Variants in DOCK6 observed in about 807,000 individuals in gnomAD.
DOCK6 encodes the protein dedicator of cytokinesis protein 6.
In DOCK6, 167 loss-of-function variants were observed where a neutral mutation model predicts 230.3. The ratio of observed to expected loss-of-function variants is 0.73; its 90% CI spans 0.64 to 0.82. DOCK6 has a LOEUF of 0.82. Among genes scored for constraint, DOCK6 ranks in the 40% least tolerant of loss-of-function variants. The pLI, the probability that DOCK6 is intolerant of heterozygous loss-of-function variation, is 0.00. For missense variants in DOCK6, 2,598 were observed against 2,825.8 expected (o/e 0.92, Z 1.83); for synonymous variants, 1,148 against 1,185.0 (o/e 0.97, Z 0.64).
At chr19:11,204,403 C>T (rs2147707089) in intron 39 of DOCK6, 72 bp from the exon 40 acceptor site, 5 of 1,564,506 alleles carry the variant, frequency 3.2e-6, no homozygotes, top group Non-Finnish European at 4.4e-6. Flanking sequence ...CTACCCATCT[C>T]CCTTGTGAGC....
chr19:11,206,834 G>T (rs67457550), intron 39 of DOCK6, among the ~76,000 whole-genome samples: 13 of 18,432 alleles, frequency 7.1e-4, no homozygotes, highest in African/African-American at 5.2e-3. Context: ...ATTTGTGGTG[G>T]TTTTTTTTTT....
Position 11,243,351 on chromosome 19 carries a change from C to G in DOCK6, c.1293G>C (p.Arg431=). The G allele has an allele frequency of 6.3e-7, 1 of 1,599,914 alleles. No individual in the cohort carries two copies. ...RRPAWTDRRR[R]GPQDRASSGD... is the part of the protein sequence containing the mutation. ...CACTACTCGCCCGGTCCTGGGGCCC[C>G]CGACGGCGGCGGTCTGTCCAGGCTG... is the stretch of plus-strand genomic sequence containing the variant. Residue 431 remains arginine (R), a synonymous_variant, in exon 12 of 48, where the codon CGG becomes CGC. Coordinates refer to ENST00000294618, the MANE Select transcript of DOCK6 (RefSeq NM_020812.4). This position sits in a 1 kb window ranked among gnomAD's most constrained non-coding sequence, Gnocchi z 6.3.
intron 30 of DOCK6, 120 bp from the exon 31 acceptor site, chr19:11,216,047 A>G: frequency 7.6e-7 from 1 of 1,317,286 alleles, no homozygotes; most frequent in Non-Finnish European, 1.0e-6. Flanking sequence ...TTAAAGACAG[A>G]TTGCCTTTTT....
chr19:11,222,076 C>T lies in DOCK6; in HGVS notation c.3380+33G>A, dbSNP rs2079588942. The T allele has an allele frequency of 6.2e-7, 1 of 1,608,398 alleles. No individual in the cohort carries two copies. Among genetic ancestry groups the T allele is most frequent in the Non-Finnish European group, 8.5e-7 (1 of 1,175,876 alleles). On this transcript the variant is annotated intron_variant, in intron 27 of 47. Coordinates refer to ENST00000294618, the MANE Select transcript of DOCK6 (RefSeq NM_020812.4). The surrounding 1 kb of genome is among the most constrained non-coding windows in gnomAD (Gnocchi z 4.0). Reference sequence around the variant, plus strand: ...TGGACATGGCTCCTGGACTGTCCCACCTGTCCTGGGGCTAGACAGGAGCTC... The same window carrying T: ...TGGACATGGCTCCTGGACTGTCCCATCTGTCCTGGGGCTAGACAGGAGCTC...
intron 1 of DOCK6, among the ~76,000 whole-genome samples, chr19:11,261,656 C>T (rs1323331751): frequency 1.3e-5 from 2 of 152,162 alleles, no homozygotes; most frequent in Non-Finnish European, 2.9e-5. Context: ...TCTCACAATC[C>T]CCAGTGGCCA....
intron 1 of DOCK6, among the ~76,000 whole-genome samples, chr19:11,260,464 C>T (rs2080266931): frequency 6.6e-6 from 1 of 151,950 alleles, no homozygotes; most frequent in Admixed American, 6.6e-5. Context: ...CCTGTAGTCC[C>T]AGCTACTTGG....
chr19:11,259,698 C>T (rs1599300763), intron 1 of DOCK6, among the ~76,000 whole-genome samples: 1 of 149,222 alleles, frequency 6.7e-6, no homozygotes, highest in Admixed American at 6.7e-5. Context: ...GCTGGGATTA[C>T]AGGCGTGCGT....
chr19:11,261,596 C>A (rs1050366108), intron 1 of DOCK6, among the ~76,000 whole-genome samples: 2 of 152,140 alleles, frequency 1.3e-5, no homozygotes, highest in Non-Finnish European at 2.9e-5. Flanking sequence ...CAACTGGGGG[C>A]GAGGCTTTTC....
In DOCK6 at chr19:11,202,816, A is replaced by T; in HGVS notation, c.5236-107T>A. 1 of 1,573,414 alleles carries T rather than the reference A, an allele frequency of 6.4e-7. No individual in the cohort carries two copies. The highest frequency in any genetic ancestry group is 1.1e-5 in the South Asian group (1 of 89,658). ...TCAGGATGGGAGTGTGAGGACCCCG[A>T]GAACATCAGGGCATGGGCACAGGCA... On this transcript the variant is annotated intron_variant, in intron 41 of 47. Coordinates refer to ENST00000294618, the MANE Select transcript of DOCK6 (RefSeq NM_020812.4). This position sits in a 1 kb window ranked among gnomAD's most constrained non-coding sequence, Gnocchi z 5.3.
At position 11,202,326 on chromosome 19, in the gene DOCK6, G is replaced by C; in HGVS notation, c.5451+68C>G. 6.5e-7 allele frequency: 1 copy of C among 1,547,142 alleles called. No individual in the cohort carries two copies. The highest frequency in any genetic ancestry group is 8.8e-7 in the Non-Finnish European group (1 of 1,137,284). On this transcript the variant is annotated intron_variant, in intron 43 of 47. Transcript: ENST00000294618. The surrounding 1 kb of genome is among the most constrained non-coding windows in gnomAD (Gnocchi z 5.3). The stretch of plus-strand genomic sequence containing the variant: ...TTTCCCAGAGAAAGAGGATTTGAGG[G>C]TCCCCAGGAAACAGCACTTGGAGTC...
rs760821155 is a variant in DOCK6, at chr19:11,253,706, C to T, written c.65G>A (p.Arg22Gln). Residue 22 changes from arginine (R) to glutamine (Q), a missense_variant, in exon 2 of 48, where the codon CGG becomes CAG. Transcript: ENST00000294618. The part of the protein sequence containing the change: ...KINRTVAAEV[R>Q]KQVSRERSGS... The stretch of plus-strand genomic sequence containing the variant: ...ACTGCGTTCCCGGGACACCTGCTTC[C>T]GCACCTCTGCGGCCACCGTCCTGGA... 12 of 1,470,444 alleles carry T rather than the reference C, an allele frequency of 8.2e-6. No individual in the cohort carries two copies. Among genetic ancestry groups the T allele is most frequent in the Admixed American group, 3.1e-5 (1 of 32,368 alleles). The allele number at this position is 1,470,444 out of a possible 1,614,324, so 91.1% of individuals were successfully genotyped here. A position where few individuals can be genotyped will look rare whatever the true frequency, so the allele number is the denominator to read the frequency against.
At position 11,215,822 on chromosome 19, in the gene DOCK6, C is replaced by A; in HGVS notation, c.4000G>T (p.Glu1334Ter). The A allele has an allele frequency of 1.9e-6, 3 of 1,613,976 alleles. No homozygotes were observed. Among genetic ancestry groups the A allele is most frequent in the Non-Finnish European group, 2.5e-6 (3 of 1,179,878 alleles). The change falls in exon 31 of 48, where the codon GAA becomes TAA. Residue 1334 changes from glutamate (E) to a stop codon, truncating the protein, a stop_gained. Coordinates refer to ENST00000294618, the MANE Select transcript of DOCK6 (RefSeq NM_020812.4). LOFTEE classifies it high-confidence loss of function. ...TTACCACGACTTCGCCGAACCATTT[C>A]TTGTCGAGCTCCGATGGTACCCAGA... The part of the protein sequence containing the change: ...AILGTIGARQ[E>*]MVRRSRERSP...
At chr19:11,212,182 G>T (rs753965958) in intron 35 of DOCK6, 31 bp from the exon 36 acceptor site, 4 of 1,592,694 alleles carry the variant, frequency 2.5e-6, no homozygotes, top group East Asian at 4.5e-5. Context: ...GGGTGGAGCC[G>T]GGAGTCTCAG....
In DOCK6 at chr19:11,218,858, G is replaced by GA. The variant is rs59175057; in HGVS notation, c.3551-1468dup. ...ACTCTTTCAAATCATAGGAGCTCAA[G>GA]AAAAAAAAAAAATCACTTTTTTTTT... On this transcript the variant is annotated intron_variant, in intron 28 of 47. Coordinates refer to ENST00000294618, the MANE Select transcript of DOCK6 (RefSeq NM_020812.4). Among the ~76,000 whole-genome samples the GA allele has an allele frequency of 7.2e-3, 750 of 104,486 alleles. 5 individuals carry two copies. The highest frequency in any genetic ancestry group is 0.018 in the African/African-American group (548 of 29,874). 68.5% of individuals were successfully genotyped at this position (104,486 alleles called of 152,430 possible).
At position 11,201,098 on chromosome 19, in the gene DOCK6, G is replaced by A. The variant is rs151248253; in HGVS notation, c.5689-46C>T. The A allele has an allele frequency of 0.026, 41,107 of 1,604,832 alleles. 593 individuals carry two copies. The highest frequency in any genetic ancestry group is 0.029 in the Non-Finnish European group (34,015 of 1,176,860). On this transcript the variant is annotated intron_variant, in intron 44 of 47. Transcript: ENST00000294618. The surrounding 1 kb of genome is among the most constrained non-coding windows in gnomAD (Gnocchi z 4.3). ...TGTGTACTCGCTGGGGCCTGAGGAGGTCCTGATCGAAGCCAGTCGGGGGCA... is the reference window on the plus strand; with the variant it reads ...TGTGTACTCGCTGGGGCCTGAGGAGATCCTGATCGAAGCCAGTCGGGGGCA...
At chr19:11,249,758 C>T (rs914008974) in intron 6 of DOCK6, among the ~76,000 whole-genome samples, 8 of 150,612 alleles carry the variant, frequency 5.3e-5, no homozygotes, top group South Asian at 4.2e-4. Flanking sequence ...ATTAGCCGGG[C>T]GTGGTGGCTG....
chr19:11,217,606 A>T (rs905081227), intron 28 of DOCK6, among the ~76,000 whole-genome samples: 1 of 151,610 alleles, frequency 6.6e-6, no homozygotes, highest in Non-Finnish European at 1.5e-5. Context: ...AAATTACAAA[A>T]AATTAGCTGG....
intron 14 of DOCK6, chr19:11,241,678 C>A: frequency 6.3e-7 from 1 of 1,583,602 alleles, no homozygotes. Flanking sequence ...CAGCGGCGCT[C>A]CCAGCCTGAA....
chr19:11,245,921 C>T (rs756542378), intron 7 of DOCK6, 43 bp from the exon 8 acceptor site: 51 of 1,550,520 alleles, frequency 3.3e-5, no homozygotes, highest in African/African-American at 8.2e-5. Context: ...TAACACTTCC[C>T]GCTGTCCACA....
Sources: gnomAD v4.1 joint callset for allele counts (sites outside exome capture counted in the v4.1 genomes callset) on GRCh38, gnomAD v4.1.1 for gene constraint, Gnocchi (gnomAD v3.1) non-coding constraint, MANE v1.5 for transcripts, NCBI Gene and HGNC (gene_info 2026-07-23, HGNC 2026-07-21) for gene names.